OSTN: variants seen among roughly 807,000 people sequenced by gnomAD.
OSTN encodes the protein osteocrin.
OSTN carries 9 observed loss-of-function variants against 12.0 expected under a neutral mutation model. The ratio of observed to expected loss-of-function variants is 0.75; its 90% confidence interval spans 0.45 to 1.30. OSTN has a LOEUF of 1.30. OSTN is among the 50% of genes most tolerant of loss of function. The pLI is 0.00. For missense variants in OSTN, 148 were observed against 152.3 expected (o/e 0.97, Z 0.15); for synonymous variants, 59 against 56.9 (o/e 1.04, Z -0.16).
At chr3:191,206,673 T>C (rs1235956039) in intron 1 of OSTN, among the ~76,000 whole-genome samples, 2 of 152,186 alleles carry the variant, frequency 1.3e-5, no homozygotes, top group South Asian at 2.1e-4. Context: ...TTTTAGTTGG[T>C]CTAGAGAGGA....
At chr3:191,256,811 C>A (rs1715681007) in intron 4 of OSTN, among the ~76,000 whole-genome samples, 2 of 151,896 alleles carry the variant, frequency 1.3e-5, no homozygotes, top group Admixed American at 1.3e-4. Flanking sequence ...GTTTTATAAC[C>A]TCTTACAATT....
chr3:191,255,852 T>C (rs1715659383), intron 4 of OSTN, among the ~76,000 whole-genome samples: 1 of 152,098 alleles, frequency 6.6e-6, no homozygotes, highest in Admixed American at 6.5e-5. Flanking sequence ...GCGTTAGCAG[T>C]TGCCATGAAT....
At chr3:191,238,867 C>T (rs1031107211) in intron 3 of OSTN, among the ~76,000 whole-genome samples, 3 of 152,166 alleles carry the variant, frequency 2.0e-5, no homozygotes, top group African/African-American at 4.8e-5. Flanking sequence ...AAACTTTCTC[C>T]CAAAAGGGAT....
At chr3:191,199,993 G>T (rs1374358580) in intron 1 of OSTN, among the ~76,000 whole-genome samples, 1 of 152,064 alleles carries the variant, frequency 6.6e-6, no homozygotes, top group Non-Finnish European at 1.5e-5. Flanking sequence ...AGTGAATTCA[G>T]TTCTAACAAT....
At chr3:191,206,333 T>C (rs1289195992) in intron 1 of OSTN, among the ~76,000 whole-genome samples, 1 of 152,250 alleles carries the variant, frequency 6.6e-6, no homozygotes, top group African/African-American at 2.4e-5. Context: ...GCATTGTTTT[T>C]TCTTAACATG....
chr3:191,226,413 G>C (rs1480089535), intron 3 of OSTN, among the ~76,000 whole-genome samples: 1 of 152,166 alleles, frequency 6.6e-6, no homozygotes, highest in African/African-American at 2.4e-5. Context: ...ATGTATGTGT[G>C]TGTTTGTATT....
At chr3:191,231,281 C>A (rs1715046702) in intron 3 of OSTN, among the ~76,000 whole-genome samples, 1 of 151,814 alleles carries the variant, frequency 6.6e-6, no homozygotes, top group African/African-American at 2.4e-5. Context: ...TGTAATGATA[C>A]TTCAAACATA....
In OSTN at chr3:191,258,215, G is replaced by A. The variant is rs183776638; in HGVS notation, c.*13-4651G>A. ...TGCCAAGATTCCTTAGGAATTAACC[G>A]TAAGATTGCATAAGGAGAGCAATCT... On this transcript the variant is annotated intron_variant, in intron 4 of 4. Transcript: ENST00000682035. 5.9e-5 allele frequency among the ~76,000 whole-genome samples: 9 copies of A among 152,308 alleles called. No individual in the cohort carries two copies. In the East Asian group the frequency reaches 1.2e-3, roughly 20 times the overall value.
chr3:191,235,316 T>G (rs189578393), intron 3 of OSTN, among the ~76,000 whole-genome samples: 47 of 152,152 alleles, frequency 3.1e-4, no homozygotes, highest in Non-Finnish European at 6.2e-4. Flanking sequence ...TAATAAAGCT[T>G]CTCTTTTCCC....
chr3:191,231,041 T>C lies in OSTN; in HGVS notation c.317+12080T>C, dbSNP rs958893376. 1.8e-4 allele frequency among the ~76,000 whole-genome samples: 28 copies of C among 152,310 alleles called. 1 individual carries two copies. The highest frequency in any genetic ancestry group is 3.4e-3 in the Middle Eastern group (1 of 294). On this transcript the variant is annotated intron_variant, in intron 3 of 4. Transcript: ENST00000682035. ...CTTCTATATTTTTATTTTTTATAGT[T>C]GATAATTTATGCATTCAAGTTAAAT...
chr3:191,232,059 G>A (rs930312692), intron 3 of OSTN, among the ~76,000 whole-genome samples: 5 of 151,836 alleles, frequency 3.3e-5, no homozygotes, highest in African/African-American at 7.3e-5. Flanking sequence ...GGCTGGGTGC[G>A]GTGGCTCATG....
chr3:191,238,172 G>A (rs927980278), intron 3 of OSTN, among the ~76,000 whole-genome samples: 4 of 152,112 alleles, frequency 2.6e-5, no homozygotes, highest in African/African-American at 9.7e-5. Context: ...ACACAAAAAA[G>A]GGATACAGTG....
chr3:191,222,016 C>T (rs754117568), intron 3 of OSTN, among the ~76,000 whole-genome samples: 9 of 152,200 alleles, frequency 5.9e-5, no homozygotes, highest in Admixed American at 1.3e-4. Flanking sequence ...CAAGCCTTGG[C>T]GGCTTCCACA....
At chr3:191,246,596 C>T (rs1169449217) in intron 3 of OSTN, among the ~76,000 whole-genome samples, 1 of 132,210 alleles carries the variant, frequency 7.6e-6, no homozygotes, top group East Asian at 2.1e-4. Flanking sequence ...CAGAGCTAGA[C>T]CCTGTATCAA....
chr3:191,227,785 T>C (rs758702338), intron 3 of OSTN, among the ~76,000 whole-genome samples: 7 of 152,138 alleles, frequency 4.6e-5, no homozygotes, highest in Non-Finnish European at 7.4e-5. Flanking sequence ...TGATTGTTTT[T>C]AGGAATTTTA....
intron 3 of OSTN, among the ~76,000 whole-genome samples, chr3:191,237,969 C>T (rs1715233699): frequency 6.6e-6 from 1 of 152,152 alleles, no homozygotes; most frequent in South Asian, 2.1e-4. Context: ...GATATGATTG[C>T]CCTTCTTGAC....
chr3:191,257,185 C>CA (rs71175391), intron 4 of OSTN, among the ~76,000 whole-genome samples: 14,441 of 72,012 alleles, frequency 0.2, 1,630 homozygotes, highest in South Asian at 0.28. Flanking sequence ...AACCCTCTCT[C>CA]AAAAAAAAAA....
chr3:191,216,743 C>T (rs922996466), intron 2 of OSTN, among the ~76,000 whole-genome samples: 4 of 152,192 alleles, frequency 2.6e-5, no homozygotes, highest in African/African-American at 9.7e-5. Context: ...CTCCAGTTCC[C>T]AACAATTTCC....
chr3:191,212,649 C>T lies in OSTN; in HGVS notation c.102+15C>T, dbSNP rs760575660. The stretch of plus-strand genomic sequence containing the variant: ...CAACAACAGAGGTAATGGAAACTAG[C>T]TTACAGAAATAAATATACATGTTTG... On this transcript the variant is annotated intron_variant, in intron 2 of 4. Coordinates refer to ENST00000682035, the MANE Select transcript of OSTN (RefSeq NM_198184.2). 4 of 1,369,200 alleles carry T rather than the reference C, an allele frequency of 2.9e-6. No individual in the cohort carries two copies. The highest frequency in any genetic ancestry group is 3.0e-6 in the Non-Finnish European group (3 of 1,005,294). 84.8% of individuals were successfully genotyped at this position (1,369,200 alleles called of 1,614,324 possible).
Sources: gnomAD v4.1 joint callset for allele counts (sites outside exome capture counted in the v4.1 genomes callset) on GRCh38, gnomAD v4.1.1 for gene constraint, MANE v1.5 for transcripts, NCBI Gene and HGNC (gene_info 2026-07-23, HGNC 2026-07-21) for gene names.